Variants in EBF3 observed in about 807,000 individuals in gnomAD.
The protein encoded by EBF3 is EBF transcription factor 3.
A neutral mutation model predicts 77.1 loss-of-function variants in EBF3; 18 were observed. The ratio of observed to expected loss-of-function variants is 0.23; its 90% confidence interval spans 0.16 to 0.35. EBF3 has a LOEUF of 0.35. Among genes scored for constraint, EBF3 ranks in the 10% least tolerant of loss-of-function variants. The pLI is 1.00. For missense variants in EBF3, 558 were observed against 860.0 expected (o/e 0.65, Z 4.39); for synonymous variants, 350 against 343.5 (o/e 1.02, Z -0.21).
chr10:129,875,629 T>C (rs1852722900), intron 7 of EBF3, among the ~76,000 whole-genome samples: 1 of 152,264 alleles, frequency 6.6e-6, no homozygotes, highest in Non-Finnish European at 1.5e-5. Context: ...GCCAGGATTG[T>C]TGAGGTCGCA....
intron 6 of EBF3, among the ~76,000 whole-genome samples, chr10:129,883,014 A>G (rs564024318): frequency 2.7e-4 from 41 of 152,314 alleles, no homozygotes; most frequent in African/African-American, 9.6e-4. Flanking sequence ...GATTGAAGAG[A>G]AAAAGGAAAC....
At position 129,840,418 on chromosome 10, in the gene EBF3, G is replaced by C. The variant is rs2133942251; in HGVS notation, c.1586C>G (p.Ala529Gly). 7 of 1,551,778 alleles carry C rather than the reference G, an allele frequency of 4.5e-6. No individual in the cohort carries two copies. In the East Asian group the frequency reaches 1.7e-4, roughly 38 times the overall value. The change falls in exon 15 of 17, where the codon GCA becomes GGA. Residue 529 changes from alanine to glycine, a missense_variant. By Grantham distance (60) the Ala-to-Gly change is moderately conservative. Transcript: ENST00000440978. Reference sequence around the variant, plus strand: ...TGAAGGGAGGGTGACCGAAGAGGCTGCCATGGTGGGGCTGGACGGCACTAC... The same window carrying C: ...TGAAGGGAGGGTGACCGAAGAGGCTCCCATGGTGGGGCTGGACGGCACTAC... ...YGIVPSSPTM[A>G]ASSVTLPSNC...
chr10:129,854,831 T>A (rs1488547677), intron 10 of EBF3, among the ~76,000 whole-genome samples: 1 of 152,216 alleles, frequency 6.6e-6, no homozygotes, highest in African/African-American at 2.4e-5. Flanking sequence ...CCAGGCATTG[T>A]GGTGTGCACG....
At chr10:129,856,453 G>A (rs751347602) in intron 10 of EBF3, among the ~76,000 whole-genome samples, 25 of 152,144 alleles carry the variant, frequency 1.6e-4, no homozygotes, top group Admixed American at 4.6e-4. Context: ...TGGAAAACAC[G>A]CAAAGTGAAA....
Position 129,964,009 on chromosome 10 carries a change from AG to A in EBF3, c.-242del. 2.0e-6 allele frequency: 2 copies of A among 985,110 alleles called. No homozygotes were observed. Among genetic ancestry groups the A allele is most frequent in the Non-Finnish European group, 2.4e-6 (2 of 829,822 alleles). 61.0% of individuals were successfully genotyped at this position (985,110 alleles called of 1,614,324 possible). A position where few individuals can be genotyped will look rare whatever the true frequency, so the allele number is the denominator to read the frequency against. On this transcript the variant is annotated 5_prime_UTR_variant, in exon 1 of 17. Transcript: ENST00000440978. This position sits in a 1 kb window ranked among gnomAD's most constrained non-coding sequence, Gnocchi z 4.5. ...GGCGGCGGCGGCGCTTCGAAGGAGC[AG>A]GACGCGGTGGCCGCGGCGGCGCTTG...
Position 129,849,166 on chromosome 10 carries a change from G to C in EBF3, c.1040-686C>G, listed in dbSNP as rs528118756. On this transcript the variant is annotated intron_variant, in intron 10 of 16. Transcript: ENST00000440978. ...TGTGTACAGTGCATGAATCACGGCC[G>C]GGACTCCGTCCGACTGCACACACTG... Among the ~76,000 whole-genome samples the C allele has an allele frequency of 2.0e-5, 3 of 152,308 alleles. No homozygotes were observed. In the South Asian group the frequency reaches 6.2e-4, roughly 32 times the overall value.
Position 129,963,341 on chromosome 10 carries a change from G to C in EBF3, c.291+26C>G. 2.2e-5 allele frequency: 34 copies of C among 1,569,366 alleles called. No individual in the cohort carries two copies. Among genetic ancestry groups the C allele is most frequent in the Non-Finnish European group, 2.8e-5 (32 of 1,159,392 alleles). The stretch of plus-strand genomic sequence containing the variant: ...TGCCTCCCGCTTCTAGAAAGAGAGA[G>C]GGTGTGATCGTGTGTTTGCACTTAC... On this transcript the variant is annotated intron_variant, in intron 2 of 16. Coordinates refer to ENST00000440978, the MANE Select transcript of EBF3 (RefSeq NM_001375380.1). The surrounding 1 kb of genome is among the most constrained non-coding windows in gnomAD (Gnocchi z 7.1).
rs1859688826 is a variant in EBF3, at chr10:129,963,428, C to T, written c.230G>A (p.Arg77Lys). The T allele has an allele frequency of 6.3e-6, 10 of 1,592,932 alleles. No homozygotes were observed. Among genetic ancestry groups the T allele is most frequent in the Non-Finnish European group, 8.5e-6 (10 of 1,169,610 alleles). ...TTCAATCTCCACCGGCTGCCCCTGC[C>T]TATCGTAGAGCGCCAGCACGAAGTG... is the stretch of plus-strand genomic sequence containing the variant. ...FFHFVLALYD[R>K]QGQPVEIERT... Residue 77 changes from arginine to lysine, a missense_variant, in exon 2 of 17, where the codon AGG (arginine) becomes AAG (lysine). Physicochemically the swap from Arg to Lys is conservative, Grantham distance 26. Around this residue, in one of 5 missense-constraint regions of EBF3, gnomAD observed 84 missense variants for 142.3 expected, o/e 0.59. Transcript: ENST00000440978. The surrounding 1 kb of genome is among the most constrained non-coding windows in gnomAD (Gnocchi z 7.1).
chr10:129,950,541 G>A (rs1858599008), intron 6 of EBF3, among the ~76,000 whole-genome samples: 1 of 151,994 alleles, frequency 6.6e-6, no homozygotes, highest in South Asian at 2.1e-4. Flanking sequence ...ACCTTTTTCT[G>A]AAAACATCGT....
intron 6 of EBF3, among the ~76,000 whole-genome samples, chr10:129,919,114 C>A (rs1245907011): frequency 6.6e-6 from 1 of 152,164 alleles, no homozygotes; most frequent in Non-Finnish European, 1.5e-5. Flanking sequence ...GGCGAGTACG[C>A]AGGTGACCAA....
intron 10 of EBF3, among the ~76,000 whole-genome samples, chr10:129,849,768 C>T (rs979109592): frequency 3.3e-5 from 5 of 152,182 alleles, no homozygotes; most frequent in African/African-American, 7.2e-5. Context: ...AGCATTGATC[C>T]GATGTATTGA....
chr10:129,941,614 G>T (rs1037245390), intron 6 of EBF3, among the ~76,000 whole-genome samples: 4 of 152,334 alleles, frequency 2.6e-5, no homozygotes, highest in Non-Finnish European at 4.4e-5. Flanking sequence ...GCACTCTGGC[G>T]GCGGTGGAGG....
intron 10 of EBF3, among the ~76,000 whole-genome samples, chr10:129,851,619 G>A (rs1850891208): frequency 6.6e-6 from 1 of 152,090 alleles, no homozygotes; most frequent in Admixed American, 6.5e-5. Flanking sequence ...GATCTGAGAG[G>A]ATGAGTTTTC....
rs896254420 is a variant in EBF3 at position 129,935,260 on chromosome 10, CT to C, written c.554+21997del. Among the ~76,000 whole-genome samples, 1 of 152,158 alleles carries C rather than the reference CT, an allele frequency of 6.6e-6. No homozygotes were observed. Among genetic ancestry groups the C allele is most frequent in the Admixed American group, 6.5e-5 (1 of 15,286 alleles). ...TCACAGCAGCCACTGTGGCCCATGG[CT>C]GTCCCAGCACCCAGAGTGGAGTTGG... On this transcript the variant is annotated intron_variant, in intron 6 of 16. Coordinates refer to ENST00000440978, the MANE Select transcript of EBF3 (RefSeq NM_001375380.1). The surrounding 1 kb of genome is among the most constrained non-coding windows in gnomAD (Gnocchi z 4.2).
chr10:129,944,116 G>A lies in EBF3; in HGVS notation c.554+13142C>T, dbSNP rs1032870811. Among the ~76,000 whole-genome samples the A allele has an allele frequency of 3.9e-5, 6 of 152,218 alleles. No individual in the cohort carries two copies. The highest frequency in any genetic ancestry group is 9.6e-5 in the African/African-American group (4 of 41,522). On this transcript the variant is annotated intron_variant, in intron 6 of 16. Coordinates refer to ENST00000440978, the MANE Select transcript of EBF3 (RefSeq NM_001375380.1). The surrounding 1 kb of genome is among the most constrained non-coding windows in gnomAD (Gnocchi z 5.1). Reference sequence around the variant, plus strand: ...CCGTTCTAGTAATCAAGTTATTCCTGTAAAATCCTAAATAAAATGAGAATT... The same window carrying A: ...CCGTTCTAGTAATCAAGTTATTCCTATAAAATCCTAAATAAAATGAGAATT...
chr10:129,896,078 G>A (rs1322507680), intron 6 of EBF3, among the ~76,000 whole-genome samples: 4 of 150,318 alleles, frequency 2.7e-5, no homozygotes, highest in Non-Finnish European at 5.9e-5. Context: ...AAGTCCTGAC[G>A]CATGCAATTT....
At chr10:129,838,064 GC>G (rs1849728893) in intron 16 of EBF3, 104 bp from the exon 17 acceptor site, 1 of 1,402,218 alleles carries the variant, frequency 7.1e-7, no homozygotes, top group African/African-American at 1.4e-5. Context: ...CAACTGGGAG[GC>G]TGGTCTTGCA....
Position 129,936,771 on chromosome 10 carries a change from G to T in EBF3, c.554+20487C>A, listed in dbSNP as rs190322488. Among the ~76,000 whole-genome samples the T allele has an allele frequency of 7.1e-4, 106 of 150,264 alleles. 1 individual carries two copies. In the East Asian group the frequency reaches 0.017, roughly 24 times the overall value. ...CCTCAGCTGTGTGGGGACCCAGGGG[G>T]CTGTGGGGGGACCCTCAGCTGTGTG... On this transcript the variant is annotated intron_variant, in intron 6 of 16. Transcript: ENST00000440978.
At position 129,963,376 on chromosome 10, in the gene EBF3, C is replaced by T. The variant is rs770140470; in HGVS notation, c.282G>A (p.Glu94=). 1 of 1,584,344 alleles carries T rather than the reference C, an allele frequency of 6.3e-7. No homozygotes were observed. Among genetic ancestry groups the T allele is most frequent in the East Asian group, 2.4e-5 (1 of 41,292 alleles). The change falls in exon 2 of 17, where the codon GAG becomes GAA. Residue 94 remains glutamate (E), a synonymous_variant. Coordinates refer to ENST00000440978, the MANE Select transcript of EBF3 (RefSeq NM_001375380.1). The surrounding 1 kb of genome is among the most constrained non-coding windows in gnomAD (Gnocchi z 7.1). The part of the protein sequence containing the change: ...IERTAFVDFV[E]KEKEPNNEKT... ...GTGTGTTTGCACTTACTTTCTCTTT[C>T]TCCACAAAGTCCACAAAAGCGGTCC...
Sources: gnomAD v4.1 joint callset for allele counts (sites outside exome capture counted in the v4.1 genomes callset) on GRCh38, gnomAD v4.1.1 for gene constraint, gnomAD v4.1.1 regional missense constraint, Gnocchi (gnomAD v3.1) non-coding constraint, MANE v1.5 for transcripts, NCBI Gene and HGNC (gene_info 2026-07-23, HGNC 2026-07-21) for gene names.